Variants in C4orf50 observed in about 807,000 individuals in gnomAD.
C4orf50 encodes uncharacterized protein C4orf50.
A neutral mutation model predicts 77.2 loss-of-function variants in C4orf50; 80 were observed. The observed-to-expected ratio is 1.04, with a 90% confidence interval of 0.87 to 1.25. The LOEUF is 1.25. Among genes scored for constraint, C4orf50 ranks in the 50% most tolerant of loss-of-function variants. The pLI is 0.00. For missense variants in C4orf50, 1,257 were observed against 1,152.9 expected (o/e 1.09, Z -1.31); for synonymous variants, 532 against 465.3 (o/e 1.14, Z -1.84).
intron 7 of C4orf50, among the ~76,000 whole-genome samples, chr4:5,933,083 G>A (rs889970006): frequency 7.9e-5 from 12 of 152,226 alleles, no homozygotes; most frequent in African/African-American, 2.6e-4. Context: ...ACGGGAGCCT[G>A]GTGTTGTCTT....
intron 28 of C4orf50, among the ~76,000 whole-genome samples, chr4:5,981,829 T>TC (rs149190272): frequency 0.22 from 33,012 of 151,896 alleles, 3,631 homozygotes; most frequent in Middle Eastern, 0.25. Context: ...CAAACTCCCT[T>TC]CCCCTTGTGA....
At position 5,988,526 on chromosome 4, in the gene C4orf50, G is replaced by A. The variant is rs756863049; in HGVS notation, c.3520C>T (p.Arg1174Cys). Residue 1174 changes from arginine (R) to cysteine (C), a missense_variant, in exon 28 of 34, where the codon CGC (arginine) becomes TGC (cysteine). Transcript: ENST00000531445. The stretch of plus-strand genomic sequence containing the variant: ...GATGGAGGGGGAGAATCAGCACCGC[G>A]TCTGGAATTCCCGGTGCCTGTGGAA... The A allele has an allele frequency of 2.4e-5, 37 of 1,537,902 alleles. 1 individual carries two copies. The highest frequency in any genetic ancestry group is 1.8e-4 in the South Asian group (15 of 84,082).
intron 7 of C4orf50, among the ~76,000 whole-genome samples, chr4:5,944,386 A>AG (rs1399500152): frequency 6.6e-6 from 1 of 152,108 alleles, no homozygotes; most frequent in Admixed American, 6.5e-5. Context: ...TCTGCCCCCC[A>AG]GGAGTTCTCC....
intron 33 of C4orf50, among the ~76,000 whole-genome samples, chr4:5,961,745 C>T (rs775135989): frequency 3.3e-5 from 5 of 152,096 alleles, no homozygotes; most frequent in Admixed American, 1.3e-4. Flanking sequence ...ATATAGAGGG[C>T]GAAACATCTC....
rs1466754636 is a variant in C4orf50 at position 5,908,114 on chromosome 4, A to C, written c.*2475-9926T>G. Among the ~76,000 whole-genome samples the C allele has an allele frequency of 6.6e-6, 1 of 152,212 alleles. No homozygotes were observed. Among genetic ancestry groups the C allele is most frequent in the Non-Finnish European group, 1.5e-5 (1 of 68,032 alleles). On this transcript the variant is annotated intron_variant, in intron 7 of 7. Coordinates refer to the C4orf50 transcript ENST00000324058. The surrounding 1 kb of genome is among the most constrained non-coding windows in gnomAD (Gnocchi z 5.6). ...ATTTGCTCATTTTTAAGTACCTACT[A>C]TATGCCAGGCACTGTGTTCAAGGCT...
Position 5,900,436 on chromosome 4 carries a change from C to G in C4orf50, c.*2475-2248G>C, listed in dbSNP as rs146217327. The G allele has an allele frequency of 6.6e-6, 1 of 151,746 alleles. No homozygotes were observed. Among genetic ancestry groups the G allele is most frequent in the African/African-American group, 2.4e-5 (1 of 41,372 alleles). The allele number at this position is 151,746 out of a possible 1,614,324, so 9.4% of individuals were successfully genotyped here. A position where few individuals can be genotyped will look rare whatever the true frequency, so the allele number is the denominator to read the frequency against. ...TTAAAGATCAATCATGTAAGTCTAG[C>G]CAAAAAGTAGGTGAGTTTCCAAGAT... On this transcript the variant is annotated intron_variant, in intron 7 of 7. Coordinates refer to the C4orf50 transcript ENST00000324058. This position sits in a 1 kb window ranked among gnomAD's most constrained non-coding sequence, Gnocchi z 4.3.
At chr4:5,902,811 C>T (rs1716398706) in intron 7 of C4orf50, 1 of 152,186 alleles carries the variant, frequency 6.6e-6, no homozygotes, top group Non-Finnish European at 1.5e-5. Flanking sequence ...GGTTCCATTT[C>T]TCCCATTTTC....
chr4:5,968,176 A>C (rs1035755139), intron 31 of C4orf50, among the ~76,000 whole-genome samples: 1 of 152,200 alleles, frequency 6.6e-6, no homozygotes, highest in African/African-American at 2.4e-5. Context: ...TCCCTGTCTG[A>C]AAGGGCTCTG....
intron 25 of C4orf50, among the ~76,000 whole-genome samples, chr4:6,004,226 GTGAT>G (rs1722079681): frequency 3.4e-5 from 1 of 29,106 alleles, no homozygotes; most frequent in African/African-American, 1.3e-4. Flanking sequence ...TGGTGATGAT[GTGAT>G]GGTGATGATG....
In C4orf50 at chr4:5,925,252, C is replaced by A. The variant is rs77551569; in HGVS notation, c.*2475-27064G>T. Among the ~76,000 whole-genome samples the A allele has an allele frequency of 4.7e-3, 707 of 151,880 alleles. 7 individuals are homozygous for A. Among genetic ancestry groups the A allele is most frequent in the African/African-American group, 0.016 (674 of 41,414 alleles). ...GCGCTCGGCAAGGGGAGACCCGCAA[C>A]CCCTGAAGCAGCAAGGAGGTGTGGT... On this transcript the variant is annotated intron_variant, in intron 7 of 7. Coordinates refer to the C4orf50 transcript ENST00000324058.
chr4:5,992,798 C>T lies in C4orf50; in HGVS notation c.1221+5G>A, dbSNP rs1320432444. On this transcript the variant is annotated splice_donor_5th_base_variant and intron_variant, in intron 27 of 33. Coordinates refer to ENST00000531445, the Ensembl canonical transcript of C4orf50. This position sits in a 1 kb window ranked among gnomAD's most constrained non-coding sequence, Gnocchi z 5.0. Reference sequence around the variant, plus strand: ...CACACACACGCAGAAAGCCTCTGGCCTCACCTGTTCACGGTTGGATCCGGC... The same window carrying T: ...CACACACACGCAGAAAGCCTCTGGCTTCACCTGTTCACGGTTGGATCCGGC... 2.5e-6 allele frequency: 1 copy of T among 399,058 alleles called. No individual in the cohort carries two copies. The highest frequency in any genetic ancestry group is 4.4e-6 in the Non-Finnish European group (1 of 226,152). 24.7% of individuals were successfully genotyped at this position (399,058 alleles called of 1,614,324 possible). A position where few individuals can be genotyped will look rare whatever the true frequency, so the allele number is the denominator to read the frequency against.
chr4:5,956,787 G>A (rs1368907775), downstream of C4orf50: 1 of 152,364 alleles, frequency 6.6e-6, no homozygotes, highest in Non-Finnish European at 1.5e-5. Flanking sequence ...TTCTGCTGCA[G>A]AGCCAGGCTG....
rs1560531555 is a variant in C4orf50 at position 5,900,569 on chromosome 4, G to A, written c.*2475-2381C>T. 6.6e-6 allele frequency: 1 copy of A among 152,202 alleles called. No individual in the cohort carries two copies. Among genetic ancestry groups the A allele is most frequent in the East Asian group, 1.9e-4 (1 of 5,198 alleles). 9.4% of individuals were successfully genotyped at this position (152,202 alleles called of 1,614,324 possible). ...ATCACTAGATGATGCCATATAGATT[G>A]CAACCCAGTAGAAAACTAATTGCAT... is the stretch of plus-strand genomic sequence containing the variant. On this transcript the variant is annotated intron_variant, in intron 7 of 7. Transcript: ENST00000324058. This position sits in a 1 kb window ranked among gnomAD's most constrained non-coding sequence, Gnocchi z 4.3.
chr4:5,933,646 T>A (rs73210724), intron 7 of C4orf50, among the ~76,000 whole-genome samples: 5,552 of 152,264 alleles, frequency 0.036, 154 homozygotes, highest in Non-Finnish European at 0.055. Flanking sequence ...AGCTGGGGGT[T>A]AGGGGCGTAC....
At chr4:5,937,578 C>T (rs1024968821) in intron 7 of C4orf50, among the ~76,000 whole-genome samples, 7 of 152,064 alleles carry the variant, frequency 4.6e-5, no homozygotes, top group Admixed American at 3.3e-4. Flanking sequence ...TTATGATATA[C>T]ATATATCAGT....
intron 7 of C4orf50, among the ~76,000 whole-genome samples, chr4:5,928,307 C>T (rs931927665): frequency 6.6e-6 from 1 of 151,914 alleles, no homozygotes; most frequent in South Asian, 2.1e-4. Flanking sequence ...AAACTGTAAG[C>T]AAAACCTTTC....
At chr4:5,922,144 G>A (rs1174994513) in intron 7 of C4orf50, among the ~76,000 whole-genome samples, 1 of 152,166 alleles carries the variant, frequency 6.6e-6, no homozygotes, top group Non-Finnish European at 1.5e-5. Flanking sequence ...AGCCTGCAGG[G>A]TGGAGGCTGT....
chr4:5,928,782 T>G (rs1717634654), intron 7 of C4orf50, among the ~76,000 whole-genome samples: 1 of 152,214 alleles, frequency 6.6e-6, no homozygotes, highest in Non-Finnish European at 1.5e-5. Flanking sequence ...TTAAAAACTT[T>G]CTTGTTTTTC....
In C4orf50 at chr4:6,008,266, C is replaced by T. The variant is rs1246936285; in HGVS notation, c.693G>A (p.Gln231=). Residue 231 remains glutamine (Q), a synonymous_variant, in exon 25 of 34, where the codon CAG becomes CAA. Transcript: ENST00000531445. This position sits in a 1 kb window ranked among gnomAD's most constrained non-coding sequence, Gnocchi z 6.0. ...GTTCCGCAGCCGCCTCGGTGGCGCC[C>T]TGGGAGCCTGGGGCCGCGGTGTCCC... 1 of 392,702 alleles carries T rather than the reference C, an allele frequency of 2.5e-6. No individual in the cohort carries two copies. Among genetic ancestry groups the T allele is most frequent in the Admixed American group, 4.4e-5 (1 of 22,494 alleles). The allele number at this position is 392,702 out of a possible 1,614,324, so 24.3% of individuals were successfully genotyped here.
Sources: allele counts gnomAD v4.1 joint callset (sites outside exome capture counted in the v4.1 genomes callset), GRCh38; gene constraint gnomAD v4.1.1; non-coding constraint Gnocchi (gnomAD v3.1); transcripts MANE v1.5; gene names NCBI Gene and HGNC (gene_info 2026-07-23, HGNC 2026-07-21).